The following ST7 variants were observed in gnomAD, a reference collection of about 807,000 sequenced individuals.
The protein encoded by ST7 is suppressor of tumorigenicity 7 protein.
ST7 carries 28 observed loss-of-function variants against 78.7 expected under a neutral mutation model. That is an observed-to-expected ratio of 0.36 (90% CI 0.26 to 0.49). The LOEUF (loss-of-function observed/expected upper bound fraction) is 0.49, where lower values mean the gene tolerates loss of function less well. Ranked by LOEUF, ST7 falls within the 20% of genes least tolerant of loss-of-function variation. The pLI is 0.99. For synonymous variants in ST7, 247 were observed against 249.6 expected (o/e 0.99, Z 0.10); for missense variants, 418 against 696.0 (o/e 0.60, Z 4.49).
At chr7:116,996,482 T>C (rs1313336690) in intron 1 of ST7, among the ~76,000 whole-genome samples, 1 of 152,228 alleles carries the variant, frequency 6.6e-6, no homozygotes, top group Admixed American at 6.5e-5. Context: ...CCAATTCTTA[T>C]AGATGCTGAT....
chr7:117,190,426 T>A lies in ST7; in HGVS notation c.1152-408T>A, dbSNP rs1809668816. Among the ~76,000 whole-genome samples the A allele has an allele frequency of 1.3e-5, 2 of 152,166 alleles. No individual in the cohort carries two copies. Among genetic ancestry groups the A allele is most frequent in the Admixed American group, 6.5e-5 (1 of 15,282 alleles). On this transcript the variant is annotated intron_variant, in intron 11 of 15. Coordinates refer to ENST00000323984, the MANE Select transcript of ST7 (RefSeq NM_001369598.1). This position sits in a 1 kb window ranked among gnomAD's most constrained non-coding sequence, Gnocchi z 5.2. Reference sequence around the variant, plus strand: ...TTAACCTCCATCGCAGCACTGACATTGGGTGGGAGGCCTCCTTTCAAATCC... The same window carrying A: ...TTAACCTCCATCGCAGCACTGACATAGGGTGGGAGGCCTCCTTTCAAATCC...
chr7:116,959,100 G>A (rs903586966), intron 1 of ST7: 6 of 446,270 alleles, frequency 1.3e-5, no homozygotes, highest in African/African-American at 8.0e-5. Context: ...ACCCTGCCAC[G>A]GCTTTATCAA....
At chr7:116,956,007 T>C (rs899422478) in intron 1 of ST7, among the ~76,000 whole-genome samples, 5 of 152,160 alleles carry the variant, frequency 3.3e-5, no homozygotes, top group Non-Finnish European at 7.4e-5. Context: ...CAGAGAGCAC[T>C]CACCTCTCTG....
chr7:117,079,269 T>C (rs1434136879), intron 1 of ST7, among the ~76,000 whole-genome samples: 3 of 152,192 alleles, frequency 2.0e-5, no homozygotes, highest in African/African-American at 7.2e-5. Context: ...GCATAAGTTA[T>C]AAGCAAATAC....
intron 10 of ST7, among the ~76,000 whole-genome samples, chr7:117,174,712 C>T (rs574851163): frequency 1.3e-5 from 2 of 152,256 alleles, no homozygotes; most frequent in Non-Finnish European, 2.9e-5. Context: ...CTATTGAGAA[C>T]CTACCATGTG....
chr7:116,968,167 T>TA (rs896361815), intron 1 of ST7, among the ~76,000 whole-genome samples: 1 of 152,190 alleles, frequency 6.6e-6, no homozygotes, highest in Non-Finnish European at 1.5e-5. Context: ...CGTTGCACTA[T>TA]AAAAAAGGAT....
chr7:117,208,777 T>C (rs1418470658), intron 12 of ST7, among the ~76,000 whole-genome samples: 1 of 152,178 alleles, frequency 6.6e-6, no homozygotes, highest in Non-Finnish European at 1.5e-5. Context: ...TTTGAACACC[T>C]TTTTAAGCGC....
chr7:117,127,944 T>C (rs1256689489), intron 3 of ST7, among the ~76,000 whole-genome samples: 1 of 151,954 alleles, frequency 6.6e-6, no homozygotes, highest in Non-Finnish European at 1.5e-5. Context: ...CTTTGTGATT[T>C]GTCAATTGAT....
intron 1 of ST7, among the ~76,000 whole-genome samples, chr7:117,062,622 C>T (rs1021628542): frequency 1.3e-5 from 2 of 152,128 alleles, no homozygotes; most frequent in Non-Finnish European, 2.9e-5. Flanking sequence ...ATATTTAATA[C>T]ATGTTAAATT....
At chr7:117,151,155 T>G (rs1485140532) in intron 9 of ST7, among the ~76,000 whole-genome samples, 1 of 152,250 alleles carries the variant, frequency 6.6e-6, no homozygotes, top group African/African-American at 2.4e-5. Context: ...TAACTCAAAC[T>G]ACTTTTTTAA....
At chr7:117,073,912 G>A (rs559488128) in intron 1 of ST7, 1 of 152,262 alleles carries the variant, frequency 6.6e-6, no homozygotes, top group Non-Finnish European at 1.5e-5. Flanking sequence ...ATTTCTTGAA[G>A]TATTGTTTTA....
chr7:116,972,725 G>T, intron 1 of ST7: 1 of 927,482 alleles, frequency 1.1e-6, no homozygotes. Flanking sequence ...GCACAGTCCA[G>T]CTTCTCATGA....
chr7:117,149,914 C>T (rs1267689139), intron 9 of ST7, among the ~76,000 whole-genome samples: 1 of 152,082 alleles, frequency 6.6e-6, no homozygotes, highest in African/African-American at 2.4e-5. Context: ...ACACACTGCC[C>T]TCAAATGTCA....
intron 2 of ST7, among the ~76,000 whole-genome samples, chr7:117,116,039 G>A (rs928507526): frequency 2.0e-5 from 3 of 151,964 alleles, no homozygotes; most frequent in Non-Finnish European, 2.9e-5. Context: ...AGCAACCAAG[G>A]TCACATAGCC....
chr7:117,120,008 A>G (rs1803236111), intron 3 of ST7, among the ~76,000 whole-genome samples: 1 of 151,622 alleles, frequency 6.6e-6, no homozygotes, highest in African/African-American at 2.4e-5. Flanking sequence ...GGCTCACTGC[A>G]GTCTTCACCT....
At position 117,190,739 on chromosome 7, in the gene ST7, A is replaced by G. The variant is rs965726928; in HGVS notation, c.1152-95A>G. On this transcript the variant is annotated intron_variant, in intron 11 of 15. Transcript: ENST00000323984. This position sits in a 1 kb window ranked among gnomAD's most constrained non-coding sequence, Gnocchi z 5.2. ...TTTGGAGAGCTCATGCTATTGGCTC[A>G]CTGTGGTTTTATGGGCCCTAGATGT... 6 of 933,022 alleles carry G rather than the reference A, an allele frequency of 6.4e-6. No homozygotes were observed. In the African/African-American group the frequency reaches 9.7e-5, roughly 15 times the overall value. 57.8% of individuals were successfully genotyped at this position (933,022 alleles called of 1,614,324 possible).
At chr7:117,203,965 G>T (rs941918125) in intron 12 of ST7, among the ~76,000 whole-genome samples, 1 of 152,168 alleles carries the variant, frequency 6.6e-6, no homozygotes, top group African/African-American at 2.4e-5. Context: ...CAAAGTAACC[G>T]ATGAACAGAG....
At chr7:117,215,743 C>A (rs535694142) in intron 13 of ST7, among the ~76,000 whole-genome samples, 3 of 152,316 alleles carry the variant, frequency 2.0e-5, no homozygotes, top group African/African-American at 7.2e-5. Context: ...TTTGCTCTTA[C>A]TTTCATGATT....
intron 2 of ST7, among the ~76,000 whole-genome samples, chr7:117,102,809 A>G (rs1801664542): frequency 6.6e-6 from 1 of 152,168 alleles, no homozygotes; most frequent in Non-Finnish European, 1.5e-5. Flanking sequence ...GTTTGCAGAC[A>G]ACATGATCTT....
Sources: gnomAD v4.1 joint callset for allele counts (sites outside exome capture counted in the v4.1 genomes callset) on GRCh38, gnomAD v4.1.1 for gene constraint, Gnocchi (gnomAD v3.1) non-coding constraint, MANE v1.5 for transcripts, NCBI Gene and HGNC (gene_info 2026-07-23, HGNC 2026-07-21) for gene names.